PIK3C3: variants seen among roughly 807,000 people sequenced by gnomAD.
The protein encoded by PIK3C3 is phosphatidylinositol 3-kinase catalytic subunit type 3.
Under a neutral mutation model 126.1 loss-of-function variants are expected in PIK3C3, and 95 were observed. The observed-to-expected ratio is 0.75, with a 90% CI of 0.64 to 0.89. The LOEUF is 0.89. PIK3C3 is among the 40% of genes least tolerant of loss of function. The probability of loss-of-function intolerance (pLI) is 0.00; values close to 1 mark genes in which losing one functional copy is unlikely to be tolerated. For missense variants in PIK3C3, 829 were observed against 1,063.2 expected (o/e 0.78, Z 3.06); for synonymous variants, 374 against 360.0 (o/e 1.04, Z -0.44).
chr18:42,000,487 A>G (rs144749706), intron 9 of PIK3C3, among the ~76,000 whole-genome samples: 3 of 152,298 alleles, frequency 2.0e-5, no homozygotes, highest in African/African-American at 7.2e-5. Flanking sequence ...AGAAGAAGCT[A>G]TACAAGTAAG....
intron 4 of PIK3C3, among the ~76,000 whole-genome samples, chr18:41,977,061 A>T (rs975684419): frequency 2.0e-5 from 3 of 152,198 alleles, no homozygotes; most frequent in Non-Finnish European, 4.4e-5. Flanking sequence ...GAAAAGGTAG[A>T]TAGAATATGA....
intron 20 of PIK3C3, among the ~76,000 whole-genome samples, chr18:42,047,117 G>C (rs929605490): frequency 1.3e-5 from 2 of 152,108 alleles, no homozygotes; most frequent in Admixed American, 6.5e-5. Flanking sequence ...CAACACAGGT[G>C]AATCAGTATT....
At chr18:42,064,463 A>G (rs1985450675) in intron 22 of PIK3C3, among the ~76,000 whole-genome samples, 1 of 152,214 alleles carries the variant, frequency 6.6e-6, no homozygotes, top group Non-Finnish European at 1.5e-5. Context: ...ATATATATAT[A>G]TACTTACTAA....
chr18:42,027,575 A>G (rs901684468), intron 14 of PIK3C3, 27 bp downstream of exon 14: 5 of 1,401,390 alleles, frequency 3.6e-6, no homozygotes, highest in Non-Finnish European at 3.0e-6. Context: ...AGGGTTGGCA[A>G]ACTGCAGCAC....
At chr18:41,985,871 T>A (rs1184448964) in intron 4 of PIK3C3, among the ~76,000 whole-genome samples, 1 of 152,118 alleles carries the variant, frequency 6.6e-6, no homozygotes, top group Non-Finnish European at 1.5e-5. Flanking sequence ...GAAAATGGCT[T>A]TAGAACATTT....
intron 14 of PIK3C3, among the ~76,000 whole-genome samples, chr18:42,028,565 T>C (rs994290012): frequency 6.6e-6 from 1 of 152,234 alleles, no homozygotes; most frequent in Non-Finnish European, 1.5e-5. Context: ...TTAAACACTT[T>C]GAGACTAAGC....
intron 18 of PIK3C3, among the ~76,000 whole-genome samples, chr18:42,040,354 GT>G (rs776280258): frequency 9.2e-5 from 14 of 151,866 alleles, no homozygotes; most frequent in Non-Finnish European, 1.5e-4. Context: ...ATTGGTATAT[GT>G]TGTAAATCTA....
chr18:42,075,007 A>G (rs1368629898), intron 24 of PIK3C3, among the ~76,000 whole-genome samples: 2 of 152,208 alleles, frequency 1.3e-5, no homozygotes, highest in Middle Eastern at 3.2e-3. Context: ...ATCACTCAGT[A>G]TATGTAATTC....
At chr18:42,071,953 T>C (rs1568011465) in intron 24 of PIK3C3, among the ~76,000 whole-genome samples, 1 of 152,186 alleles carries the variant, frequency 6.6e-6, no homozygotes. Context: ...GAAGCATACA[T>C]GGGATGCTAA....
intron 13 of PIK3C3, among the ~76,000 whole-genome samples, chr18:42,021,680 A>C (rs1358530317): frequency 6.6e-6 from 1 of 152,218 alleles, no homozygotes; most frequent in Non-Finnish European, 1.5e-5. Context: ...ATTACAAATT[A>C]GTAGATGTCC....
At position 42,086,799 on chromosome 18, in the gene PIK3C3, AAAT is replaced by A. The variant is rs1431314945; in HGVS notation, c.*5666_*5668del. 1.3e-5 allele frequency: 2 copies of A among 152,188 alleles called. No homozygotes were observed. The highest frequency in any genetic ancestry group is 4.8e-5 in the African/African-American group (2 of 41,446). The allele number at this position is 152,188 out of a possible 1,614,324, so 9.4% of individuals were successfully genotyped here. On this transcript the variant is annotated 3_prime_UTR_variant, in exon 25 of 25. Coordinates refer to ENST00000262039, the MANE Select transcript of PIK3C3 (RefSeq NM_002647.4). Reference sequence around the variant, plus strand: ...ACCCCTTGTTTAGCATATGATCAAGAAATAATCATTAAAAAATAGCCAACCAGC... The same window carrying A: ...ACCCCTTGTTTAGCATATGATCAAGAAATCATTAAAAAATAGCCAACCAGC...
intron 4 of PIK3C3, among the ~76,000 whole-genome samples, chr18:41,981,407 A>G (rs1227316627): frequency 2.6e-5 from 4 of 152,226 alleles, no homozygotes; most frequent in Non-Finnish European, 5.9e-5. Flanking sequence ...AAGTTTAACT[A>G]AATGAAACTT....
chr18:42,072,191 T>A (rs1985803454), intron 24 of PIK3C3, among the ~76,000 whole-genome samples: 1 of 152,210 alleles, frequency 6.6e-6, no homozygotes, highest in Admixed American at 6.5e-5. Flanking sequence ...GTTAATCGAT[T>A]TATGGTAATT....
At chr18:41,957,332 G>C (rs1472195538) in intron 1 of PIK3C3, among the ~76,000 whole-genome samples, 1 of 151,874 alleles carries the variant, frequency 6.6e-6, no homozygotes, top group African/African-American at 2.4e-5. Flanking sequence ...GATGAAGATG[G>C]GACTGATATT....
intron 4 of PIK3C3, among the ~76,000 whole-genome samples, chr18:41,973,932 C>G (rs1273029635): frequency 6.6e-6 from 1 of 152,092 alleles, no homozygotes; most frequent in Non-Finnish European, 1.5e-5. Flanking sequence ...AGTGAATTTA[C>G]TATGATTGTT....
intron 4 of PIK3C3, among the ~76,000 whole-genome samples, chr18:41,971,688 A>C (rs1423255302): frequency 6.6e-6 from 1 of 152,012 alleles, no homozygotes; most frequent in Non-Finnish European, 1.5e-5. Context: ...AGTTAATATA[A>C]ATTTTATTAG....
chr18:42,010,307 C>G (rs1054768775), intron 10 of PIK3C3, among the ~76,000 whole-genome samples: 3 of 152,118 alleles, frequency 2.0e-5, no homozygotes, highest in Non-Finnish European at 4.4e-5. Flanking sequence ...TCAGGCTGCA[C>G]CTCTAATTCT....
intron 1 of PIK3C3, among the ~76,000 whole-genome samples, chr18:41,956,031 T>TG (rs35048753): frequency 0.22 from 34,018 of 152,098 alleles, 4,280 homozygotes; most frequent in South Asian, 0.4. Context: ...AGAACTGGTA[T>TG]AATGACGAGG....
At chr18:42,017,880 A>T (rs1300678634) in intron 12 of PIK3C3, among the ~76,000 whole-genome samples, 6 of 151,918 alleles carry the variant, frequency 3.9e-5, no homozygotes, top group Non-Finnish European at 8.8e-5. Context: ...AATCTAGTTT[A>T]ACACTCTGTT....
Sources: allele counts gnomAD v4.1 joint callset (sites outside exome capture counted in the v4.1 genomes callset), GRCh38; gene constraint gnomAD v4.1.1; transcripts MANE v1.5; gene names NCBI Gene and HGNC (gene_info 2026-07-23, HGNC 2026-07-21).